FMN2: variants seen among roughly 807,000 people sequenced by gnomAD.
FMN2 encodes formin 2.
Under a neutral mutation model 142.3 loss-of-function variants are expected in FMN2, and 51 were observed. That is an observed-to-expected ratio of 0.36 (90% CI 0.29 to 0.45). The LOEUF (loss-of-function observed/expected upper bound fraction) is 0.45, where lower values mean the gene tolerates loss of function less well. FMN2 is among the 20% of genes least tolerant of loss of function. The probability of loss-of-function intolerance (pLI) is 1.00; values close to 1 mark genes in which losing one functional copy is unlikely to be tolerated. For missense variants in FMN2, 1,936 were observed against 2,122.8 expected, an observed-to-expected ratio of 0.91 and a Z score of 1.73; for synonymous variants, 882 against 869.8, an observed-to-expected ratio of 1.01 and a Z score of -0.25.
chr1:240,165,643 T>A lies in FMN2; in HGVS notation c.1783-12278T>A, dbSNP rs559034944. Among the ~76,000 whole-genome samples the A allele has an allele frequency of 1.0e-4, 15 of 149,752 alleles. No homozygotes were observed. The South Asian group carries it at 1.1e-3, about 11-fold the overall frequency. The stretch of plus-strand genomic sequence containing the variant: ...TCTCCATTTTTCTATTTTTTTTTTT[T>A]ATTTTATGCTGTGCAAATGCTTAGT... On this transcript the variant is annotated intron_variant, in intron 2 of 17. Transcript: ENST00000319653.
chr1:240,219,317 A>G (rs936400437), intron 6 of FMN2, among the ~76,000 whole-genome samples: 2 of 152,122 alleles, frequency 1.3e-5, no homozygotes, highest in African/African-American at 4.8e-5. Flanking sequence ...CTTCTTTACC[A>G]TGGACAGCAA....
chr1:240,321,718 C>T (rs777065142), intron 8 of FMN2, among the ~76,000 whole-genome samples: 37 of 152,146 alleles, frequency 2.4e-4, no homozygotes, highest in Non-Finnish European at 4.9e-4. Flanking sequence ...CAGCAAATCA[C>T]ATTAGATTGA....
chr1:240,451,936 T>A (rs1250452326), intron 16 of FMN2, among the ~76,000 whole-genome samples: 1 of 151,900 alleles, frequency 6.6e-6, no homozygotes, highest in Non-Finnish European at 1.5e-5. Flanking sequence ...AAACTTAAAA[T>A]TCAGTTATAT....
chr1:240,188,947 C>T (rs994844604), intron 4 of FMN2, among the ~76,000 whole-genome samples: 13 of 152,042 alleles, frequency 8.6e-5, no homozygotes, highest in Admixed American at 3.3e-4. Context: ...CATTAGATCT[C>T]GTGAGACCCA....
At chr1:240,100,314 T>C (rs1661371251) in intron 1 of FMN2, among the ~76,000 whole-genome samples, 1 of 152,186 alleles carries the variant, frequency 6.6e-6, no homozygotes, top group East Asian at 1.9e-4. Context: ...AAAATTGTAT[T>C]CCTCTGTTCA....
intron 13 of FMN2, among the ~76,000 whole-genome samples, chr1:240,340,288 C>G (rs1671703097): frequency 6.6e-6 from 1 of 152,004 alleles, no homozygotes; most frequent in South Asian, 2.1e-4. Flanking sequence ...GGGTGTTAAA[C>G]TCTTAGTCCG....
In FMN2 at chr1:240,190,995, C is replaced by A. The variant is rs923517668; in HGVS notation, c.1986+2733C>A. On this transcript the variant is annotated intron_variant, in intron 4 of 17. Coordinates refer to ENST00000319653, the MANE Select transcript of FMN2 (RefSeq NM_020066.5). ...GATGGCAGTTCTGTATCTCTAAATG[C>A]AGCTGGAAATGAGAGGTTTGAAGGC... is the stretch of plus-strand genomic sequence containing the variant. Among the ~76,000 whole-genome samples the A allele has an allele frequency of 3.9e-5, 6 of 152,218 alleles. No homozygotes were observed. The South Asian group carries it at 1.2e-3, about 32-fold the overall frequency.
chr1:240,170,299 G>T, intron 2 of FMN2: 1 of 1,093,642 alleles, frequency 9.1e-7, no homozygotes, highest in Non-Finnish European at 1.4e-6. Context: ...TGCCACTGCA[G>T]TTTGCCATAC....
intron 15 of FMN2, among the ~76,000 whole-genome samples, chr1:240,406,443 G>C (rs1186081680): frequency 6.6e-6 from 1 of 152,158 alleles, no homozygotes; most frequent in African/African-American, 2.4e-5. Context: ...TAGTGCCTCT[G>C]TTAAGATCGC....
chr1:240,418,452 C>T (rs985778252), intron 15 of FMN2, among the ~76,000 whole-genome samples: 2 of 152,154 alleles, frequency 1.3e-5, no homozygotes, highest in Non-Finnish European at 2.9e-5. Context: ...ACCTCAGCCT[C>T]CCAAAGTGCA....
Position 240,161,777 on chromosome 1 carries a change from G to T in FMN2, c.1783-16144G>T, listed in dbSNP as rs538558484. On this transcript the variant is annotated intron_variant, in intron 2 of 17. Transcript: ENST00000319653. ...GTCAACTGGGTAATCATATGAAAAA[G>T]ATAATGAAAGTTGATATCCATCTCA... Among the ~76,000 whole-genome samples the T allele has an allele frequency of 3.3e-5, 5 of 152,186 alleles. No individual in the cohort carries two copies. In the South Asian group the frequency reaches 1.0e-3, roughly 32 times the overall value.
chr1:240,407,304 A>AT (rs1235508109), intron 15 of FMN2, among the ~76,000 whole-genome samples: 1 of 151,962 alleles, frequency 6.6e-6, no homozygotes, highest in Non-Finnish European at 1.5e-5. Flanking sequence ...CACCAGGCTA[A>AT]TTTTTTGTAT....
chr1:240,135,113 T>C (rs1439101382), intron 2 of FMN2, among the ~76,000 whole-genome samples: 2 of 152,200 alleles, frequency 1.3e-5, no homozygotes, highest in Non-Finnish European at 2.9e-5. Flanking sequence ...TAACGTGGCA[T>C]GGAAGAATGA....
At chr1:240,127,285 C>G (rs1050882056) in intron 2 of FMN2, among the ~76,000 whole-genome samples, 1 of 151,718 alleles carries the variant, frequency 6.6e-6, no homozygotes, top group Non-Finnish European at 1.5e-5. Flanking sequence ...GTTGGCCAGG[C>G]TGGTCTTGAA....
intron 15 of FMN2, among the ~76,000 whole-genome samples, chr1:240,420,555 C>G (rs1674727528): frequency 6.6e-6 from 1 of 152,196 alleles, no homozygotes; most frequent in Non-Finnish European, 1.5e-5. Flanking sequence ...CTGGTAGCTT[C>G]TGAGGGGGCG....
intron 14 of FMN2, among the ~76,000 whole-genome samples, chr1:240,381,629 C>T (rs895710956): frequency 6.6e-6 from 1 of 152,130 alleles, no homozygotes; most frequent in African/African-American, 2.4e-5. Context: ...GGGACTTCTC[C>T]ATGTTTTCCA....
At chr1:240,252,953 C>CCTTTTTTTTTTTTTTTT (rs1668326347) in intron 6 of FMN2, among the ~76,000 whole-genome samples, 1 of 65,346 alleles carries the variant, frequency 1.5e-5, no homozygotes, top group Non-Finnish European at 2.6e-5. Flanking sequence ...GTCTTGTTCA[C>CCTTTTTTTTTTTTTTTT]TTTTTTTTTT....
At chr1:240,198,716 C>T (rs896144939) in intron 4 of FMN2, among the ~76,000 whole-genome samples, 13 of 152,080 alleles carry the variant, frequency 8.5e-5, no homozygotes, top group African/African-American at 3.1e-4. Context: ...CTATATAACA[C>T]CTCGATCTCT....
chr1:240,152,510 A>T (rs1045219109), intron 2 of FMN2, among the ~76,000 whole-genome samples: 3 of 151,904 alleles, frequency 2.0e-5, no homozygotes, highest in African/African-American at 4.8e-5. Flanking sequence ...TCCGTTTCCA[A>T]ATTTGTCCTA....
Sources: gnomAD v4.1 joint callset for allele counts (sites outside exome capture counted in the v4.1 genomes callset) on GRCh38, gnomAD v4.1.1 for gene constraint, MANE v1.5 for transcripts, NCBI Gene and HGNC (gene_info 2026-07-23, HGNC 2026-07-21) for gene names.